BRD10: variants seen among roughly 807,000 people sequenced by gnomAD.
The protein encoded by BRD10 is uncharacterized bromodomain-containing protein 10.
chr9:5,912,961 T>C, the BRD10 span, among the ~76,000 whole-genome samples: 3 of 152,198 alleles, frequency 2.0e-5, no homozygotes, highest in Non-Finnish European at 4.4e-5. Flanking sequence ...TTAGAGAGTA[T>C]TGTTTTATAG....
the BRD10 span, among the ~76,000 whole-genome samples, chr9:6,006,569 A>G: frequency 6.6e-6 from 1 of 152,252 alleles, no homozygotes; most frequent in Admixed American, 6.5e-5. Flanking sequence ...TTCTGGTAGA[A>G]TAAACATAAA....
the BRD10 span, among the ~76,000 whole-genome samples, chr9:5,905,422 G>A: frequency 6.6e-6 from 1 of 152,184 alleles, no homozygotes; most frequent in African/African-American, 2.4e-5. Context: ...AGGACTGACA[G>A]AATGAACTCT....
the BRD10 span, among the ~76,000 whole-genome samples, chr9:5,924,315 T>C: frequency 7.9e-5 from 12 of 152,046 alleles, no homozygotes; most frequent in Admixed American, 3.3e-4. Flanking sequence ...GACAGCATTT[T>C]GCTCTGTTGC....
the BRD10 span, chr9:5,908,679 G>C: frequency 2.5e-6 from 4 of 1,614,034 alleles, no homozygotes; most frequent in Non-Finnish European, 3.4e-6. Flanking sequence ...ACTCTCTGCA[G>C]AACAGTCACC....
the BRD10 span, among the ~76,000 whole-genome samples, chr9:5,928,047 A>G: frequency 6.6e-6 from 1 of 151,892 alleles, no homozygotes; most frequent in African/African-American, 2.4e-5. Context: ...AATCCCCTCT[A>G]CCTCTCAAAT....
the BRD10 span, among the ~76,000 whole-genome samples, chr9:6,003,953 T>C: frequency 6.6e-6 from 1 of 152,210 alleles, no homozygotes; most frequent in Non-Finnish European, 1.5e-5. Flanking sequence ...CTGAGACTAC[T>C]CTGGAAACCA....
the BRD10 span, among the ~76,000 whole-genome samples, chr9:6,001,976 C>G: frequency 3.9e-5 from 6 of 152,154 alleles, no homozygotes; most frequent in Admixed American, 3.9e-4. Flanking sequence ...TAAGGGTTCC[C>G]TCCCATTATT....
the BRD10 span, among the ~76,000 whole-genome samples, chr9:5,939,564 T>C: frequency 6.6e-6 from 1 of 152,196 alleles, no homozygotes; most frequent in Non-Finnish European, 1.5e-5. Context: ...TAGAAGTATA[T>C]TATGTAATAG....
chr9:5,923,229 G>C, the BRD10 span: 3 of 1,613,738 alleles, frequency 1.9e-6, no homozygotes, highest in East Asian at 2.2e-5. Flanking sequence ...AGTGTCTTCG[G>C]TAAGTCTTTT....
the BRD10 span, chr9:5,922,198 C>G: frequency 1.1e-5 from 17 of 1,613,868 alleles, 1 homozygote; most frequent in Middle Eastern, 3.3e-4. Flanking sequence ...TCAGCTCTTG[C>G]TTTGCTTCAG....
chr9:5,891,939 G>A, the BRD10 span, among the ~76,000 whole-genome samples: 1 of 152,162 alleles, frequency 6.6e-6, no homozygotes, highest in African/African-American at 2.4e-5. Flanking sequence ...ATGCACCCTC[G>A]CGAGGCACAG....
chr9:5,951,579 A>G, the BRD10 span, among the ~76,000 whole-genome samples: 36,765 of 152,110 alleles, frequency 0.24, 4,610 homozygotes, highest in South Asian at 0.36. Flanking sequence ...AAACACCTTG[A>G]ACAAAACAAA....
chr9:5,937,510 A>C, the BRD10 span, among the ~76,000 whole-genome samples: 1 of 152,116 alleles, frequency 6.6e-6, no homozygotes, highest in South Asian at 2.1e-4. Flanking sequence ...ACTCCAGCCT[A>C]GGCAAATGAA....
the BRD10 span, among the ~76,000 whole-genome samples, chr9:5,940,669 C>T: frequency 6.6e-6 from 1 of 152,096 alleles, no homozygotes; most frequent in African/African-American, 2.4e-5. Flanking sequence ...CTGCTAAATA[C>T]ACCATTGTGT....
the BRD10 span, among the ~76,000 whole-genome samples, chr9:5,981,886 C>A: frequency 2.0e-5 from 3 of 151,986 alleles, no homozygotes; most frequent in Non-Finnish European, 4.4e-5. Context: ...TAAATGGAAA[C>A]AGAAAGTTGT....
At chr9:6,007,140 G>A in the BRD10 span, 12 of 1,544,254 alleles carry the variant, frequency 7.8e-6, no homozygotes, top group East Asian at 2.7e-4. Flanking sequence ...TCGGGCACGT[G>A]TGAGTGTGTG....
chr9:5,894,011 C>A, the BRD10 span, among the ~76,000 whole-genome samples: 1 of 151,256 alleles, frequency 6.6e-6, no homozygotes, highest in Non-Finnish European at 1.5e-5. This position sits in a 1 kb window ranked among gnomAD's most constrained non-coding sequence, Gnocchi z 4.0. Context: ...GACATGGTGG[C>A]GCTGGGATTT....
the BRD10 span, chr9:6,007,320 C>T: frequency 6.2e-7 from 1 of 1,613,842 alleles, no homozygotes; most frequent in Non-Finnish European, 8.5e-7. Flanking sequence ...CCGCCACGAA[C>T]TCGGTGATGC....
the BRD10 span, among the ~76,000 whole-genome samples, chr9:5,928,702 A>C: frequency 6.6e-6 from 1 of 152,172 alleles, no homozygotes; most frequent in African/African-American, 2.4e-5. Context: ...TCATCAGGGA[A>C]GCTTTCCCTG....
Sources: gnomAD v4.1 joint callset for allele counts (sites outside exome capture counted in the v4.1 genomes callset) on GRCh38, gnomAD v4.1.1 for gene constraint, Gnocchi (gnomAD v3.1) non-coding constraint, MANE v1.5 for transcripts, NCBI Gene and HGNC (gene_info 2026-07-23, HGNC 2026-07-21) for gene names.